The following RTN1 variants were observed in gnomAD, a reference collection of about 807,000 sequenced individuals.
RTN1 encodes reticulon 1.
A neutral mutation model predicts 65.5 loss-of-function variants in RTN1; 25 were observed. That is an observed-to-expected ratio of 0.38 (90% CI 0.28 to 0.53). RTN1 has a LOEUF of 0.53. RTN1 is among the 20% of genes least tolerant of loss of function. The pLI is 0.79. For missense variants in RTN1, 983 were observed against 1,025.4 expected (o/e 0.96, Z 0.57); for synonymous variants, 471 against 447.6 (o/e 1.05, Z -0.66).
Position 59,727,357 on chromosome 14 carries a change from AGGGCGGCGGGCCGCCCAC to A in RTN1, c.1309_1326del (p.Val437_Pro442del). ...TACTGGATGGATGGCGAGGCGGGCGAGGGCGGCGGGCCGCCCACGTGGCCAAAGCTCACATAGCCTGAG... is the reference window on the plus strand; with the variant it reads ...TACTGGATGGATGGCGAGGCGGGCGAGTGGCCAAAGCTCACATAGCCTGAG... On this transcript the variant is annotated inframe_deletion, in exon 3 of 9. Transcript: ENST00000267484. The surrounding 1 kb of genome is among the most constrained non-coding windows in gnomAD (Gnocchi z 4.2). 2 of 1,509,648 alleles carry A rather than the reference AGGGCGGCGGGCCGCCCAC, an allele frequency of 1.3e-6. No individual in the cohort carries two copies. Among genetic ancestry groups the A allele is most frequent in the South Asian group, 1.3e-5 (1 of 78,080 alleles). The allele number at this position is 1,509,648 out of a possible 1,614,324, so 93.5% of individuals were successfully genotyped here. A position where few individuals can be genotyped will look rare whatever the true frequency, so the allele number is the denominator to read the frequency against.
intron 1 of RTN1, among the ~76,000 whole-genome samples, chr14:59,751,210 T>TC (rs935730813): frequency 6.7e-6 from 1 of 149,016 alleles, no homozygotes; most frequent in Non-Finnish European, 1.5e-5. Flanking sequence ...TTTTTTTTTT[T>TC]TTTTGCATAT....
rs761738177 is a variant in RTN1, at chr14:59,727,110, T to C, written c.1574A>G (p.Tyr525Cys). The change falls in exon 3 of 9, where the codon TAC becomes TGC. Residue 525 changes from tyrosine to cysteine, a missense_variant. By Grantham distance (194) the Tyr-to-Cys change is radical (BLOSUM62 -2). Around this residue, in one of 2 missense-constraint regions of RTN1, gnomAD observed 818 missense variants for 801.8 expected, o/e 1.02. Transcript: ENST00000267484. This position sits in a 1 kb window ranked among gnomAD's most constrained non-coding sequence, Gnocchi z 4.2. ...GLAEPGSFLDYPSTEPQPGPE... is the reference protein window; with the variant it reads ...GLAEPGSFLDCPSTEPQPGPE... Reference sequence around the variant, plus strand: ...GCCAGGCTGGGGCTCAGTTGAGGGGTAGTCGAGGAAGGAACCCGGCTCGGC... The same window carrying C: ...GCCAGGCTGGGGCTCAGTTGAGGGGCAGTCGAGGAAGGAACCCGGCTCGGC... The C allele has an allele frequency of 2.5e-6, 4 of 1,609,236 alleles. No individual in the cohort carries two copies. The highest frequency in any genetic ancestry group is 1.7e-5 in the Admixed American group (1 of 59,426).
At chr14:59,852,393 T>A (rs1283121087) in intron 1 of RTN1, among the ~76,000 whole-genome samples, 1 of 152,204 alleles carries the variant, frequency 6.6e-6, no homozygotes, top group Non-Finnish European at 1.5e-5. Context: ...TTATTTAGGG[T>A]GGCATTAGAT....
At chr14:59,864,212 C>T (rs1386396083) in intron 1 of RTN1, among the ~76,000 whole-genome samples, 1 of 152,112 alleles carries the variant, frequency 6.6e-6, no homozygotes, top group Non-Finnish European at 1.5e-5. Flanking sequence ...TCCTCTCTAC[C>T]GCTGACCCTT....
At chr14:59,657,588 G>A (rs985947272) in intron 3 of RTN1, among the ~76,000 whole-genome samples, 1 of 152,172 alleles carries the variant, frequency 6.6e-6, no homozygotes, top group Non-Finnish European at 1.5e-5. Context: ...TGCAGCCCAT[G>A]GAGAGAGAGC....
intron 2 of RTN1, among the ~76,000 whole-genome samples, chr14:59,739,763 A>G (rs1451429284): frequency 6.6e-6 from 1 of 152,184 alleles, no homozygotes; most frequent in African/African-American, 2.4e-5. Context: ...AGAAATGGTG[A>G]GCCTGAGTGA....
chr14:59,596,741 C>T lies in RTN1; in HGVS notation c.*4G>A. 3.7e-6 allele frequency: 6 copies of T among 1,608,498 alleles called. No homozygotes were observed. The highest frequency in any genetic ancestry group is 5.1e-6 in the Non-Finnish European group (6 of 1,175,008). On this transcript the variant is annotated 3_prime_UTR_variant, in exon 9 of 9. Coordinates refer to ENST00000267484, the MANE Select transcript of RTN1 (RefSeq NM_021136.3). The stretch of plus-strand genomic sequence containing the variant: ...TTGTGTCCAGTCCCCGGTGGGAAAT[C>T]AGTTTACTCAGCATGCCTCTTAGCG...
chr14:59,720,251 T>TA (rs199756023), intron 3 of RTN1, among the ~76,000 whole-genome samples: 4,918 of 122,178 alleles, frequency 0.04, 250 homozygotes, highest in African/African-American at 0.16. Flanking sequence ...AGCCACCATT[T>TA]TAAAAAAAAA....
chr14:59,618,821 C>A (rs1342283083), intron 3 of RTN1, among the ~76,000 whole-genome samples: 1 of 152,180 alleles, frequency 6.6e-6, no homozygotes, highest in Admixed American at 6.5e-5. Flanking sequence ...AGAGAAATTT[C>A]TTTGAGTGAA....
At chr14:59,697,509 G>C (rs1884087390) in intron 3 of RTN1, among the ~76,000 whole-genome samples, 1 of 152,040 alleles carries the variant, frequency 6.6e-6, no homozygotes, top group African/African-American at 2.4e-5. Flanking sequence ...CTGATATGTA[G>C]GAAGTGAGTA....
At chr14:59,633,831 C>A (rs1218052584) in intron 3 of RTN1, among the ~76,000 whole-genome samples, 1 of 152,168 alleles carries the variant, frequency 6.6e-6, no homozygotes, top group Admixed American at 6.5e-5. Flanking sequence ...CATCCCAGGT[C>A]AAGATTAATA....
intron 3 of RTN1, among the ~76,000 whole-genome samples, chr14:59,700,246 T>C (rs934804147): frequency 2.0e-5 from 3 of 152,124 alleles, no homozygotes; most frequent in African/African-American, 7.2e-5. Flanking sequence ...CCTAAATAAA[T>C]GAAAAGATTT....
chr14:59,853,951 G>A (rs867268526), intron 1 of RTN1, among the ~76,000 whole-genome samples: 8 of 144,842 alleles, frequency 5.5e-5, no homozygotes, highest in Admixed American at 3.6e-4. Flanking sequence ...TGCAACCTCC[G>A]CCTCCTGGGT....
intron 3 of RTN1, among the ~76,000 whole-genome samples, chr14:59,712,557 A>G (rs10131474): frequency 0.46 from 69,487 of 152,032 alleles, 17,460 homozygotes; most frequent in African/African-American, 0.66. Context: ...CTGTGACATA[A>G]GAAGAAAACT....
intron 3 of RTN1, among the ~76,000 whole-genome samples, chr14:59,656,103 C>T (rs564040667): frequency 1.3e-5 from 2 of 152,102 alleles, no homozygotes; most frequent in South Asian, 4.2e-4. Flanking sequence ...AAACATTATG[C>T]TAGGAGAAAG....
At chr14:59,750,939 A>T (rs2139528469) in intron 1 of RTN1, among the ~76,000 whole-genome samples, 1 of 150,444 alleles carries the variant, frequency 6.6e-6, no homozygotes, top group East Asian at 2.0e-4. Context: ...GCCTGTCTTG[A>T]ACTCCTGGGC....
intron 1 of RTN1, among the ~76,000 whole-genome samples, chr14:59,831,313 A>C (rs943250234): frequency 6.6e-6 from 1 of 152,210 alleles, no homozygotes; most frequent in Non-Finnish European, 1.5e-5. Context: ...GGCCTCATTC[A>C]ATCAGTTGAA....
At chr14:59,633,779 G>A (rs1882605521) in intron 3 of RTN1, among the ~76,000 whole-genome samples, 5 of 152,236 alleles carry the variant, frequency 3.3e-5, no homozygotes, top group Admixed American at 3.3e-4. Flanking sequence ...GCATTAGGCA[G>A]TCTGTTCTCA....
intron 1 of RTN1, among the ~76,000 whole-genome samples, chr14:59,767,513 C>T (rs918855519): frequency 2.0e-5 from 3 of 152,170 alleles, no homozygotes; most frequent in African/African-American, 7.2e-5. Flanking sequence ...TCTATTTTTG[C>T]ACTTCTTTGT....
Sources: gnomAD v4.1 joint callset for allele counts (sites outside exome capture counted in the v4.1 genomes callset) on GRCh38, gnomAD v4.1.1 for gene constraint, gnomAD v4.1.1 regional missense constraint, Gnocchi (gnomAD v3.1) non-coding constraint, MANE v1.5 for transcripts, NCBI Gene and HGNC (gene_info 2026-07-23, HGNC 2026-07-21) for gene names.